The following GPATCH1 variants were observed in gnomAD, a reference collection of about 807,000 sequenced individuals.
The protein encoded by GPATCH1 is G-patch domain containing 1.
In GPATCH1, 73 loss-of-function variants were observed where a neutral mutation model predicts 114.9. That is an observed-to-expected ratio of 0.64 (90% confidence interval 0.53 to 0.77). GPATCH1 has a LOEUF of 0.77. GPATCH1 is among the 30% of genes least tolerant of loss of function. The pLI, the probability that GPATCH1 is intolerant of heterozygous loss-of-function variation, is 0.00. For missense variants in GPATCH1, 1,058 were observed against 1,144.3 expected, an observed-to-expected ratio of 0.92 and a Z score of 1.09; for synonymous variants, 391 against 428.4, an observed-to-expected ratio of 0.91 and a Z score of 1.08.
intron 19 of GPATCH1, among the ~76,000 whole-genome samples, chr19:33,127,520 A>T (rs774636925): frequency 0.046 from 3,090 of 66,878 alleles, 94 homozygotes; most frequent in African/African-American, 0.26. Context: ...TTGTCTCAAT[A>T]AAAAAAAAAA....
chr19:33,082,572 A>C (rs1005192313), intron 1 of GPATCH1, among the ~76,000 whole-genome samples: 3 of 152,144 alleles, frequency 2.0e-5, no homozygotes, highest in African/African-American at 7.2e-5. Context: ...GGCCAGGCAC[A>C]GTGGTTCACA....
In GPATCH1 at chr19:33,096,413, GA is replaced by G; in HGVS notation, c.821del (p.Asn274IlefsTer15). On this transcript the variant is annotated frameshift_variant, in exon 7 of 20. Transcript: ENST00000170564. LOFTEE classifies it high-confidence loss of function. ...RAGDLGEIGL[N>X]KGRKLGISGQ... ...CTGGCGATCTTGGAGAAATTGGACTGAATAAAGGAAGAAAATTGGGAATTTC... is the reference window on the plus strand; with the variant it reads ...CTGGCGATCTTGGAGAAATTGGACTGATAAAGGAAGAAAATTGGGAATTTC... 1 of 1,611,764 alleles carries G rather than the reference GA, an allele frequency of 6.2e-7. No individual in the cohort carries two copies. The highest frequency in any genetic ancestry group is 8.5e-7 in the Non-Finnish European group (1 of 1,179,286).
intron 1 of GPATCH1, among the ~76,000 whole-genome samples, chr19:33,085,190 C>A (rs954353218): frequency 1.3e-5 from 2 of 152,226 alleles, no homozygotes; most frequent in Admixed American, 1.3e-4. Context: ...AGAAGGGCTG[C>A]TTGCATGGCA....
chr19:33,097,900 A>G lies in GPATCH1; in HGVS notation c.998A>G (p.Lys333Arg). Residue 333 changes from lysine to arginine, a missense_variant and splice_region_variant, in exon 8 of 20, where the codon AAA (lysine) becomes AGA (arginine). Physicochemically the swap from Lys to Arg is conservative, Grantham distance 26. This residue lies in a region of GPATCH1 where 893 missense variants were observed against 977.4 expected (regional missense o/e 0.91). Coordinates refer to ENST00000170564, the MANE Select transcript of GPATCH1 (RefSeq NM_018025.3). ...WTAPRQYKNQ[K>R]ESEKDLRYVG... Reference sequence around the variant, plus strand: ...GCACCCAGGCAGTATAAAAACCAGAAAGGTAATTCGACAGCCACAAACCTA... The same window carrying G: ...GCACCCAGGCAGTATAAAAACCAGAGAGGTAATTCGACAGCCACAAACCTA... 2 of 1,613,736 alleles carry G rather than the reference A, an allele frequency of 1.2e-6. No homozygotes were observed. Among genetic ancestry groups the G allele is most frequent in the Non-Finnish European group, 1.7e-6 (2 of 1,179,838 alleles).
chr19:33,106,072 C>T (rs1370147036), intron 9 of GPATCH1, among the ~76,000 whole-genome samples: 2 of 152,206 alleles, frequency 1.3e-5, no homozygotes, highest in African/African-American at 2.4e-5. Flanking sequence ...TGGTCTTGAA[C>T]TCCTGATCTC....
chr19:33,109,727 T>C lies in GPATCH1; in HGVS notation c.1296T>C (p.Thr432=). The C allele has an allele frequency of 6.4e-7, 1 of 1,567,878 alleles. No individual in the cohort carries two copies. The highest frequency in any genetic ancestry group is 1.4e-5 in the African/African-American group (1 of 73,056). Residue 432 remains threonine (T), a synonymous_variant, in exon 11 of 20, where the codon ACT becomes ACC. Transcript: ENST00000170564. The part of the protein sequence containing the change: ...LGETPIQGSA[T]SVLEFLSQKD... ...ACTGTTTTTATTTAGGTTCAGCTAC[T>C]TCAGTGTTAGAATTTCTGTCCCAAA...
chr19:33,091,413 C>CAAA (rs1184888892), intron 3 of GPATCH1, among the ~76,000 whole-genome samples: 4,703 of 44,918 alleles, frequency 0.1, 382 homozygotes, highest in Non-Finnish European at 0.17. Context: ...GACTCCGTCT[C>CAAA]AAAAAAAAAA....
At chr19:33,119,993 ATATAT>A (rs1162362552) in intron 17 of GPATCH1, among the ~76,000 whole-genome samples, 29 of 142,878 alleles carry the variant, frequency 2.0e-4, no homozygotes, top group African/African-American at 6.9e-4. Context: ...TTATATATTT[ATATAT>A]TATATTTTAT....
At chr19:33,100,654 G>T (rs917678961) in intron 8 of GPATCH1, among the ~76,000 whole-genome samples, 1 of 151,728 alleles carries the variant, frequency 6.6e-6, no homozygotes, top group African/African-American at 2.4e-5. Context: ...GTGGGGAGGG[G>T]AGAGATGTGG....
intron 9 of GPATCH1, among the ~76,000 whole-genome samples, chr19:33,103,405 A>C (rs1160732510): frequency 6.6e-6 from 1 of 152,156 alleles, no homozygotes; most frequent in East Asian, 1.9e-4. Flanking sequence ...TACATGTATG[A>C]AAAGGAAGCA....
chr19:33,123,850 T>C (rs1408454292), intron 17 of GPATCH1, among the ~76,000 whole-genome samples: 3 of 152,076 alleles, frequency 2.0e-5, no homozygotes, highest in African/African-American at 4.8e-5. Context: ...TCCTTTTTTT[T>C]TTCTTTTTTT....
chr19:33,088,325 A>T, intron 2 of GPATCH1, 57 bp downstream of exon 2: 1 of 1,213,388 alleles, frequency 8.2e-7, no homozygotes, highest in Non-Finnish European at 1.2e-6. Flanking sequence ...CAAAATATTG[A>T]TTCTCCCTCA....
chr19:33,125,861 C>G (rs753401623), intron 18 of GPATCH1, among the ~76,000 whole-genome samples: 1 of 152,184 alleles, frequency 6.6e-6, no homozygotes, highest in Non-Finnish European at 1.5e-5. Context: ...TAGTCCGTCA[C>G]TTGCCGTTTG....
Position 33,128,528 on chromosome 19 carries a change from G to A in GPATCH1, c.2766-1602G>A, listed in dbSNP as rs546371244. ...GCCTGCCTTGGCCTCCCAAAGTGCCGGGATTACAGGCGTGAGCCACCACAC... is the reference window on the plus strand; with the variant it reads ...GCCTGCCTTGGCCTCCCAAAGTGCCAGGATTACAGGCGTGAGCCACCACAC... On this transcript the variant is annotated intron_variant, in intron 19 of 19. Transcript: ENST00000170564. 2.3e-4 allele frequency among the ~76,000 whole-genome samples: 35 copies of A among 152,266 alleles called. 1 individual carries two copies. In the South Asian group the frequency reaches 3.3e-3, roughly 14 times the overall value.
intron 10 of GPATCH1, among the ~76,000 whole-genome samples, chr19:33,107,914 A>G (rs1344993833): frequency 6.6e-6 from 1 of 151,632 alleles, no homozygotes; most frequent in Non-Finnish European, 1.5e-5. Context: ...GGTTTGTTAC[A>G]TGTGTATACA....
Position 33,113,880 on chromosome 19 carries a change from T to G in GPATCH1, c.2006T>G (p.Val669Gly), listed in dbSNP as rs1316399789. 2 of 1,613,954 alleles carry G rather than the reference T, an allele frequency of 1.2e-6. No homozygotes were observed. The highest frequency in any genetic ancestry group is 1.1e-5 in the South Asian group (1 of 91,066). ...LPTTQASSEK[V>G]SQHRGPDKSR... is the part of the protein sequence containing the mutation. ...ACCACTCAAGCATCAAGTGAAAAAGTATCACAGCACCGAGGTCCCGACAGT... is the reference window on the plus strand; with the variant it reads ...ACCACTCAAGCATCAAGTGAAAAAGGATCACAGCACCGAGGTCCCGACAGT... Residue 669 changes from valine (V) to glycine (G), a missense_variant, in exon 14 of 20, where the codon GTA (valine) becomes GGA (glycine). Around this residue, in one of 3 missense-constraint regions of GPATCH1, gnomAD observed 893 missense variants for 977.4 expected, o/e 0.91. Transcript: ENST00000170564.
intron 17 of GPATCH1, among the ~76,000 whole-genome samples, chr19:33,121,229 C>G (rs1972979905): frequency 6.6e-6 from 1 of 151,568 alleles, no homozygotes; most frequent in Non-Finnish European, 1.5e-5. Flanking sequence ...GATCCACCCA[C>G]TTCAACCTCC....
Position 33,114,420 on chromosome 19 carries a change from G to GT in GPATCH1, c.2196+2dup. 6.3e-7 allele frequency: 1 copy of GT among 1,584,088 alleles called. No individual in the cohort carries two copies. Among genetic ancestry groups the GT allele is most frequent in the Non-Finnish European group, 8.6e-7 (1 of 1,168,846 alleles). ...TGCACCAGAATTATCCGCAAATCAGGTATTTGGGGCTTCCAGATTCTCTTT... is the reference window on the plus strand; with the variant it reads ...TGCACCAGAATTATCCGCAAATCAGGTTATTTGGGGCTTCCAGATTCTCTTT... On this transcript the variant is annotated splice_donor_variant, in intron 15 of 19. Coordinates refer to ENST00000170564, the MANE Select transcript of GPATCH1 (RefSeq NM_018025.3). LOFTEE classifies it high-confidence loss of function.
At position 33,094,376 on chromosome 19, in the gene GPATCH1, T is replaced by C. The variant is rs1257279008; in HGVS notation, c.553+107T>C. On this transcript the variant is annotated intron_variant, in intron 5 of 19. Coordinates refer to ENST00000170564, the MANE Select transcript of GPATCH1 (RefSeq NM_018025.3). The stretch of plus-strand genomic sequence containing the variant: ...CCCAGGCTGGAGTGCAGTGGTGCGA[T>C]CCCGGCATACTGCAGCCTTGACCTC... 3 of 661,502 alleles carry C rather than the reference T, an allele frequency of 4.5e-6. No individual in the cohort carries two copies. The Admixed American group carries it at 7.5e-5, about 17-fold the overall frequency. 41.0% of individuals were successfully genotyped at this position (661,502 alleles called of 1,614,324 possible). A position where few individuals can be genotyped will look rare whatever the true frequency, so the allele number is the denominator to read the frequency against.
Sources: allele counts gnomAD v4.1 joint callset (sites outside exome capture counted in the v4.1 genomes callset), GRCh38; gene constraint gnomAD v4.1.1; regional missense constraint gnomAD v4.1.1; transcripts MANE v1.5; gene names NCBI Gene and HGNC (gene_info 2026-07-23, HGNC 2026-07-21).